NDUFC1: variants seen among roughly 807,000 people sequenced by gnomAD.
NDUFC1 encodes the protein NADH:ubiquinone oxidoreductase subunit C1, also known as NADH dehydrogenase [ubiquinone] 1 subunit C1, mitochondrial.
NDUFC1 carries 11 observed loss-of-function variants against 11.6 expected under a neutral mutation model. That is an observed-to-expected ratio of 0.95 (90% CI 0.60 to 1.58). The LOEUF is 1.58. NDUFC1 is among the 40% of genes most tolerant of loss of function. The pLI is 0.00. For synonymous variants in NDUFC1, 52 were observed against 42.2 expected (o/e 1.23, Z -0.90); for missense variants, 112 against 93.0 (o/e 1.20, Z -0.84).
At chr4:139,302,064 G>C in intron 1 of NDUFC1, 1 of 424,010 alleles carries the variant, frequency 2.4e-6, no homozygotes, top group Non-Finnish European at 4.2e-6. Flanking sequence ...CCCTGGTTCC[G>C]GACTAGGCCC....
At chr4:139,298,677 C>CT (rs35024958) in intron 1 of NDUFC1, among the ~76,000 whole-genome samples, 28,105 of 144,268 alleles carry the variant, frequency 0.19, 3,001 homozygotes, top group Non-Finnish European at 0.26. Flanking sequence ...CTTTTATATT[C>CT]TTTTTTTTTT....
At chr4:139,290,918 C>A (rs867782869) in intron 5 of NDUFC1, among the ~76,000 whole-genome samples, 1 of 151,786 alleles carries the variant, frequency 6.6e-6, no homozygotes, top group Non-Finnish European at 1.5e-5. Flanking sequence ...AAGCAATTAT[C>A]GTGCCTCAGC....
In NDUFC1 at chr4:139,292,613, C is replaced by A; in HGVS notation, c.172-4G>T. 1 of 1,530,694 alleles carries A rather than the reference C, an allele frequency of 6.5e-7. No homozygotes were observed. The highest frequency in any genetic ancestry group is 8.9e-7 in the Non-Finnish European group (1 of 1,118,122). The allele number at this position is 1,530,694 out of a possible 1,614,324, so 94.8% of individuals were successfully genotyped here. On this transcript the variant is annotated splice_polypyrimidine_tract_variant and splice_region_variant and intron_variant, in intron 4 of 5. Transcript: ENST00000394223. ...CTTCATTGTGTTGTTTGATGAGCTA[C>A]AAAGAGTTAAACAGTTAAAATTAGA...
chr4:139,293,871 G>A lies in NDUFC1; in HGVS notation c.171+1172C>T, dbSNP rs543474958. Among the ~76,000 whole-genome samples the A allele has an allele frequency of 2.6e-5, 4 of 151,008 alleles. 1 individual carries two copies. Among genetic ancestry groups the A allele is most frequent in the South Asian group, 4.2e-4 (2 of 4,774 alleles). ...CTGTAACGGGTCAACAATAGTAGGT[G>A]CCACGTAGTGTTGTTGAAATGATTA... On this transcript the variant is annotated intron_variant, in intron 4 of 5. Coordinates refer to ENST00000394223, the MANE Select transcript of NDUFC1 (RefSeq NM_001184989.2).
intron 1 of NDUFC1, chr4:139,301,361 G>T: frequency 2.4e-6 from 1 of 414,656 alleles, no homozygotes; most frequent in Non-Finnish European, 4.3e-6. Context: ...GGCCTGCCCC[G>T]ACCCTCCCGG....
intron 4 of NDUFC1, among the ~76,000 whole-genome samples, chr4:139,293,590 C>T (rs2110763434): frequency 6.6e-6 from 1 of 152,296 alleles, no homozygotes; most frequent in South Asian, 2.1e-4. Context: ...AAATCTCTCA[C>T]CCCTTTCCAA....
intron 1 of NDUFC1, chr4:139,301,998 C>A: frequency 1.5e-6 from 1 of 653,770 alleles, no homozygotes; most frequent in Non-Finnish European, 2.4e-6. Flanking sequence ...GTGGTTCCTA[C>A]TATGGCCCGC....
chr4:139,291,899 C>T lies in NDUFC1; in HGVS notation c.*20+631G>A, dbSNP rs571502807. ...TCACCCAGGCTGGAGTGCAGTGGCA[C>T]GATCTTGGCTCACTGCAAACTCTGC... On this transcript the variant is annotated intron_variant, in intron 5 of 5. Transcript: ENST00000394223. Among the ~76,000 whole-genome samples, 32 of 151,464 alleles carry T rather than the reference C, an allele frequency of 2.1e-4. No homozygotes were observed. In the South Asian group the frequency reaches 4.4e-3, roughly 21 times the overall value.
intron 1 of NDUFC1, chr4:139,301,562 G>C (rs536644156): frequency 1.5e-5 from 9 of 589,756 alleles, no homozygotes; most frequent in African/African-American, 7.6e-5. Context: ...GACCCGTAGT[G>C]GGGGAGGCGG....
intron 1 of NDUFC1, chr4:139,301,087 A>T (rs1745699017): frequency 6.5e-6 from 1 of 153,926 alleles, no homozygotes; most frequent in Non-Finnish European, 1.4e-5. Context: ...TTCATTTTCC[A>T]CTCCGCCTCT....
intron 5 of NDUFC1, among the ~76,000 whole-genome samples, chr4:139,291,570 T>C (rs1396060630): frequency 6.6e-6 from 1 of 151,908 alleles, no homozygotes; most frequent in East Asian, 1.9e-4. Flanking sequence ...TCTCAAAAAA[T>C]AAAATAAAAT....
chr4:139,302,068 T>C (rs911097913), intron 1 of NDUFC1: 9 of 410,262 alleles, frequency 2.2e-5, no homozygotes, highest in Admixed American at 1.3e-4. Flanking sequence ...GGTTCCGGAC[T>C]AGGCCCCGAC....
chr4:139,291,091 C>T (rs550927894), intron 5 of NDUFC1, among the ~76,000 whole-genome samples: 3 of 150,512 alleles, frequency 2.0e-5, no homozygotes, highest in South Asian at 4.2e-4. Flanking sequence ...GGATTACAGG[C>T]GTGAGCCACT....
chr4:139,293,813 T>G (rs1414461252), intron 4 of NDUFC1, among the ~76,000 whole-genome samples: 1 of 152,074 alleles, frequency 6.6e-6, no homozygotes, highest in Admixed American at 6.6e-5. Context: ...GAGAACTGGG[T>G]TCAGCAAACT....
At position 139,295,095 on chromosome 4, in the gene NDUFC1, T is replaced by A. The variant is rs1232877246; in HGVS notation, c.119A>T (p.Asp40Val). ...CAAGGTGAACCCAACTTTCAGCCAG[T>A]CAGGTTTGGCATTCGGCGGCTCTCG... ...YVREPPNAKPDWLKVGFTLGT... is the reference protein window; with the variant it reads ...YVREPPNAKPVWLKVGFTLGT... Residue 40 changes from aspartate to valine, a missense_variant, in exon 4 of 6, where the codon GAC (aspartate) becomes GTC (valine). Asp to Val is a radical substitution (Grantham distance 152). Coordinates refer to ENST00000394223, the MANE Select transcript of NDUFC1 (RefSeq NM_001184989.2). The A allele has an allele frequency of 6.2e-6, 10 of 1,614,126 alleles. No homozygotes were observed. The highest frequency in any genetic ancestry group is 1.1e-5 in the South Asian group (1 of 91,080).
chr4:139,299,189 T>G (rs1038414483), intron 1 of NDUFC1, among the ~76,000 whole-genome samples: 1 of 151,696 alleles, frequency 6.6e-6, no homozygotes, highest in Non-Finnish European at 1.5e-5. Context: ...AGGCTGGTCT[T>G]GAACTCCTGA....
chr4:139,295,176 T>C lies in NDUFC1; in HGVS notation c.68-30A>G, dbSNP rs543440889. On this transcript the variant is annotated intron_variant, in intron 3 of 5. Coordinates refer to ENST00000394223, the MANE Select transcript of NDUFC1 (RefSeq NM_001184989.2). Reference sequence around the variant, plus strand: ...AAGGGGAAGAGGGTCTGTAAATTTGTAACTTACTGCCTTGTAGGGAAAAAA... The same window carrying C: ...AAGGGGAAGAGGGTCTGTAAATTTGCAACTTACTGCCTTGTAGGGAAAAAA... The C allele has an allele frequency of 2.6e-6, 4 of 1,557,622 alleles. No individual in the cohort carries two copies. In the South Asian group the frequency reaches 4.4e-5, roughly 17 times the overall value.
At position 139,295,072 on chromosome 4, in the gene NDUFC1, A is replaced by C; in HGVS notation, c.142T>G (p.Leu48Val). The C allele has an allele frequency of 6.2e-7, 1 of 1,614,164 alleles. No individual in the cohort carries two copies. The change falls in exon 4 of 6, where the codon TTG becomes GTG. Residue 48 changes from leucine (L) to valine (V), a missense_variant. By Grantham distance (32) the Leu-to-Val change is conservative. Transcript: ENST00000394223. ...KPDWLKVGFT[L>V]GTTVFLWIYL... Reference sequence around the variant, plus strand: ...ATCCACAAGAAGACAGTGGTGCCCAAGGTGAACCCAACTTTCAGCCAGTCA... The same window carrying C: ...ATCCACAAGAAGACAGTGGTGCCCACGGTGAACCCAACTTTCAGCCAGTCA...
At chr4:139,300,746 T>G (rs1745677669) in intron 1 of NDUFC1, 2 of 152,178 alleles carry the variant, frequency 1.3e-5, no homozygotes, top group African/African-American at 4.8e-5. Context: ...AGAACTAGTT[T>G]GAAGCCAGCT....
Sources: allele counts gnomAD v4.1 joint callset (sites outside exome capture counted in the v4.1 genomes callset), GRCh38; gene constraint gnomAD v4.1.1; transcripts MANE v1.5; gene names NCBI Gene and HGNC (gene_info 2026-07-23, HGNC 2026-07-21).